YJU2: variants seen among roughly 807,000 people sequenced by gnomAD.
YJU2 encodes YJU2 splicing factor homolog.
A neutral mutation model predicts 39.6 loss-of-function variants in YJU2; 28 were observed. That is an observed-to-expected ratio of 0.71 (90% CI 0.52 to 0.97). YJU2 has a LOEUF of 0.97. Among genes scored for constraint, YJU2 ranks in the 50% least tolerant of loss-of-function variants. YJU2 has a pLI of 0.00. For synonymous variants in YJU2, 184 were observed against 182.4 expected, an observed-to-expected ratio of 1.01 and a Z score of -0.07; for missense variants, 328 against 430.4, an observed-to-expected ratio of 0.76 and a Z score of 2.11.
In YJU2 at chr19:4,258,386, C is replaced by A. The variant is rs755654352; in HGVS notation, c.550C>A (p.Arg184=). Residue 184 remains arginine, a synonymous_variant, in exon 5 of 8, where the codon CGG becomes AGG. Transcript: ENST00000262962. Reference sequence around the variant, plus strand: ...GCACCGCCTGTCGGAGGAGGAGCGGCGGAGGCAGCAGCAGGAGGAGGACGA... The same window carrying A: ...GCACCGCCTGTCGGAGGAGGAGCGGAGGAGGCAGCAGCAGGAGGAGGACGA... ...RQHRLSEEER[R]RQQQEEDEQE... 1 of 1,597,428 alleles carries A rather than the reference C, an allele frequency of 6.3e-7. No individual in the cohort carries two copies. Among genetic ancestry groups the A allele is most frequent in the Middle Eastern group, 1.9e-4 (1 of 5,306 alleles).
At chr19:4,261,523 T>A (rs1233249617) in intron 5 of YJU2, among the ~76,000 whole-genome samples, 1 of 151,024 alleles carries the variant, frequency 6.6e-6, no homozygotes, top group Non-Finnish European at 1.5e-5. Context: ...TAGCCGGGTG[T>A]GGTGGCAGGC....
At chr19:4,263,921 A>C (rs1215733824) in intron 6 of YJU2, among the ~76,000 whole-genome samples, 1 of 151,892 alleles carries the variant, frequency 6.6e-6, no homozygotes, top group African/African-American at 2.4e-5. Flanking sequence ...TCATTGAAGA[A>C]GGTGGTAAAA....
At chr19:4,260,592 C>T (rs1460635728) in intron 5 of YJU2, among the ~76,000 whole-genome samples, 1 of 152,038 alleles carries the variant, frequency 6.6e-6, no homozygotes, top group Non-Finnish European at 1.5e-5. Context: ...CAGAAATTAG[C>T]TGGACATGGT....
At chr19:4,250,039 T>C (rs1970963136) in intron 2 of YJU2, among the ~76,000 whole-genome samples, 1 of 152,072 alleles carries the variant, frequency 6.6e-6, no homozygotes, top group African/African-American at 2.4e-5. Context: ...CAGGCTCCTC[T>C]TGTCTGCCAT....
At chr19:4,266,913 G>A (rs1971119928) in intron 6 of YJU2, among the ~76,000 whole-genome samples, 1 of 152,166 alleles carries the variant, frequency 6.6e-6, no homozygotes, top group South Asian at 2.1e-4. Flanking sequence ...GCTGCAGTGA[G>A]CTATGATTGC....
intron 6 of YJU2, among the ~76,000 whole-genome samples, chr19:4,267,065 G>A (rs1488370492): frequency 1.3e-5 from 2 of 152,124 alleles, no homozygotes; most frequent in Non-Finnish European, 2.9e-5. Flanking sequence ...TTCTCAAGGC[G>A]GCTTCCTCCA....
At chr19:4,266,461 C>T (rs1971116061) in intron 6 of YJU2, among the ~76,000 whole-genome samples, 1 of 152,134 alleles carries the variant, frequency 6.6e-6, no homozygotes, top group South Asian at 2.1e-4. Flanking sequence ...GCTTGGTGAA[C>T]TCCTACTCGC....
intron 2 of YJU2, among the ~76,000 whole-genome samples, chr19:4,249,727 G>A (rs1970960598): frequency 6.7e-6 from 1 of 149,674 alleles, no homozygotes; most frequent in African/African-American, 2.5e-5. Flanking sequence ...TTTTTGTTGA[G>A]ACAGAGTCTT....
At chr19:4,267,876 G>A in intron 7 of YJU2, 102 bp downstream of exon 7, 1 of 1,110,538 alleles carries the variant, frequency 9.0e-7, no homozygotes, top group Non-Finnish European at 1.3e-6. Flanking sequence ...GGTGGGTGGG[G>A]GCGGCCTGCG....
At chr19:4,264,934 A>G (rs1271812621) in intron 6 of YJU2, among the ~76,000 whole-genome samples, 1 of 152,124 alleles carries the variant, frequency 6.6e-6, no homozygotes, top group Non-Finnish European at 1.5e-5. Context: ...CATTTTTCTA[A>G]AAGACATTTT....
intron 4 of YJU2, among the ~76,000 whole-genome samples, chr19:4,256,251 A>T (rs1971020612): frequency 6.6e-6 from 1 of 150,604 alleles, no homozygotes. Context: ...TATATATATA[A>T]AACAGATTTT....
chr19:4,247,665 GT>G (rs1435592378), intron 1 of YJU2, among the ~76,000 whole-genome samples: 13 of 85,788 alleles, frequency 1.5e-4, no homozygotes, highest in South Asian at 1.1e-3. Flanking sequence ...GTGTGTGTGT[GT>G]GTGTGTGTGT....
At chr19:4,265,906 C>T (rs922504050) in intron 6 of YJU2, among the ~76,000 whole-genome samples, 4 of 151,208 alleles carry the variant, frequency 2.6e-5, no homozygotes, top group Non-Finnish European at 5.9e-5. Flanking sequence ...GCCATCTGTG[C>T]CTTTTGACTT....
At chr19:4,255,194 A>G (rs543669888) in intron 4 of YJU2, among the ~76,000 whole-genome samples, 1 of 152,132 alleles carries the variant, frequency 6.6e-6, no homozygotes, top group Non-Finnish European at 1.5e-5. Context: ...ACTGCACTCC[A>G]GCCTGGGCAG....
intron 3 of YJU2, among the ~76,000 whole-genome samples, chr19:4,253,563 A>G (rs1970995120): frequency 6.6e-6 from 1 of 152,166 alleles, no homozygotes; most frequent in African/African-American, 2.4e-5. Flanking sequence ...CCTGGGCAAC[A>G]GCACGAGACC....
At chr19:4,259,726 C>A (rs1490649270) in intron 5 of YJU2, among the ~76,000 whole-genome samples, 2 of 152,048 alleles carry the variant, frequency 1.3e-5, no homozygotes, top group Admixed American at 6.6e-5. Flanking sequence ...GTGCTGATCC[C>A]CTCCTTTCCT....
At chr19:4,254,788 T>C (rs1971006159) in intron 4 of YJU2, among the ~76,000 whole-genome samples, 1 of 151,904 alleles carries the variant, frequency 6.6e-6, no homozygotes, top group South Asian at 2.1e-4. Context: ...CTGGGCGCAG[T>C]GGCTCACACC....
intron 5 of YJU2, 111 bp downstream of exon 5, chr19:4,258,534 C>G: frequency 1.4e-6 from 2 of 1,425,870 alleles, no homozygotes; most frequent in Admixed American, 2.5e-5. Flanking sequence ...TTTGCAAGGA[C>G]CCCTTTCCCA....
intron 4 of YJU2, among the ~76,000 whole-genome samples, chr19:4,255,934 G>A (rs1971016052): frequency 6.6e-6 from 1 of 151,940 alleles, no homozygotes; most frequent in Non-Finnish European, 1.5e-5. Context: ...TTGAACCCAG[G>A]AGGCGGAGGT....
Sources: gnomAD v4.1 joint callset for allele counts (sites outside exome capture counted in the v4.1 genomes callset) on GRCh38, gnomAD v4.1.1 for gene constraint, MANE v1.5 for transcripts, NCBI Gene and HGNC (gene_info 2026-07-23, HGNC 2026-07-21) for gene names.